Variants in FER observed in about 807,000 individuals in gnomAD.
The protein encoded by FER is tyrosine-protein kinase Fer.
In FER, 63 loss-of-function variants were observed where a neutral mutation model predicts 111.0. The observed-to-expected ratio is 0.57, with a 90% confidence interval of 0.46 to 0.70. FER has a LOEUF of 0.70. FER is among the 30% of genes least tolerant of loss of function. FER has a pLI of 0.00. For synonymous variants in FER, 327 were observed against 313.9 expected (o/e 1.04, Z -0.44); for missense variants, 914 against 954.0 (o/e 0.96, Z 0.55).
In FER at chr5:109,186,184, G is replaced by A. The variant is rs1159223845; in HGVS notation, c.2204-16G>A. 1 of 1,614,072 alleles carries A rather than the reference G, an allele frequency of 6.2e-7. No homozygotes were observed. On this transcript the variant is annotated splice_polypyrimidine_tract_variant and intron_variant, in intron 18 of 19. Coordinates refer to ENST00000281092, the MANE Select transcript of FER (RefSeq NM_005246.4). ...TACTGTGCCTCATGTGGTTATGGTT[G>A]TTGTTCCTCTTCCAGGGAGATACAG...
At chr5:108,830,867 T>C (rs571612014) in intron 3 of FER, 3 of 152,366 alleles carry the variant, frequency 2.0e-5, no homozygotes, top group African/African-American at 4.8e-5. Context: ...TTGTTAAAAC[T>C]AGAAGATGAA....
chr5:109,107,599 G>C (rs1419908784), intron 17 of FER, among the ~76,000 whole-genome samples: 2 of 152,012 alleles, frequency 1.3e-5, no homozygotes, highest in Non-Finnish European at 2.9e-5. Context: ...TTGTTCCTGT[G>C]TTAGTTTCCT....
chr5:109,180,927 T>C, intron 18 of FER, 26 bp downstream of exon 18: 1 of 1,547,556 alleles, frequency 6.5e-7, no homozygotes, highest in Admixed American at 2.1e-5. Context: ...ATTTTTTTTT[T>C]AATGGTAAAA....
chr5:108,918,588 A>G (rs911385514), intron 10 of FER, among the ~76,000 whole-genome samples: 2 of 150,146 alleles, frequency 1.3e-5, no homozygotes, highest in Admixed American at 6.7e-5. Context: ...CCGGGTTCAC[A>G]CCATTCTCCT....
intron 16 of FER, among the ~76,000 whole-genome samples, chr5:109,053,351 C>A (rs1489251906): frequency 1.4e-5 from 2 of 147,110 alleles, no homozygotes; most frequent in Non-Finnish European, 1.5e-5. Flanking sequence ...CCACTGCACT[C>A]CAGCCTCAGC....
intron 16 of FER, among the ~76,000 whole-genome samples, chr5:109,097,411 T>TG (rs1220417209): frequency 6.6e-6 from 1 of 151,806 alleles, no homozygotes; most frequent in East Asian, 1.9e-4. Flanking sequence ...GTGAGTTATC[T>TG]TTTTTTTGCC....
In FER at chr5:108,967,127, A is replaced by T. The variant is rs1212970374; in HGVS notation, c.1656+7780A>T. On this transcript the variant is annotated intron_variant, in intron 13 of 19. Coordinates refer to ENST00000281092, the MANE Select transcript of FER (RefSeq NM_005246.4). ...CCTGCTCACTTGGCCTGCCCGGGCC[A>T]ACCCTGGCTTATGCACCAGCTCAGC... is the stretch of plus-strand genomic sequence containing the variant. 2.0e-5 allele frequency among the ~76,000 whole-genome samples: 3 copies of T among 152,156 alleles called. No homozygotes were observed. In the East Asian group the frequency reaches 5.8e-4, roughly 29 times the overall value.
At chr5:109,068,769 T>G (rs1435928710) in intron 16 of FER, among the ~76,000 whole-genome samples, 2 of 152,248 alleles carry the variant, frequency 1.3e-5, no homozygotes, top group Non-Finnish European at 2.9e-5. Context: ...GTAAAGAATG[T>G]GGCTCATTTC....
chr5:109,039,722 G>C (rs1770888213), intron 14 of FER, among the ~76,000 whole-genome samples: 1 of 152,100 alleles, frequency 6.6e-6, no homozygotes, highest in Non-Finnish European at 1.5e-5. Flanking sequence ...CAGTAAGCAA[G>C]AGGGAATGTG....
chr5:108,783,288 C>T (rs1754305498), intron 2 of FER, among the ~76,000 whole-genome samples: 1 of 152,164 alleles, frequency 6.6e-6, no homozygotes, highest in African/African-American at 2.4e-5. Context: ...TTCTTAGTTA[C>T]ATAATTTTCA....
chr5:108,801,726 CAT>C (rs1215302044), intron 3 of FER, among the ~76,000 whole-genome samples: 1 of 152,164 alleles, frequency 6.6e-6, no homozygotes, highest in African/African-American at 2.4e-5. Context: ...GCAAACTCAG[CAT>C]ATGTTTTTTT....
At chr5:109,069,438 C>T (rs1355532209) in intron 16 of FER, among the ~76,000 whole-genome samples, 6 of 151,934 alleles carry the variant, frequency 3.9e-5, no homozygotes, top group East Asian at 1.9e-4. Flanking sequence ...GAGATGGATA[C>T]GAATGAATAG....
At chr5:108,878,855 G>A (rs1165829893) in intron 8 of FER, among the ~76,000 whole-genome samples, 1 of 152,038 alleles carries the variant, frequency 6.6e-6, no homozygotes, top group African/African-American at 2.4e-5. Flanking sequence ...GCATATATAT[G>A]GGATAAATTC....
intron 17 of FER, among the ~76,000 whole-genome samples, chr5:109,144,560 A>C (rs1753869709): frequency 6.6e-6 from 1 of 152,132 alleles, no homozygotes; most frequent in Admixed American, 6.6e-5. Flanking sequence ...TCTCATTCCG[A>C]TCTTTAAAAG....
chr5:109,001,488 G>A (rs1764765728), intron 13 of FER, among the ~76,000 whole-genome samples: 2 of 152,042 alleles, frequency 1.3e-5, no homozygotes, highest in African/African-American at 2.4e-5. Context: ...ATATCTCAAA[G>A]TAATAAGAGC....
At chr5:108,947,542 G>T (rs371859796) in intron 11 of FER, among the ~76,000 whole-genome samples, 2 of 151,784 alleles carry the variant, frequency 1.3e-5, no homozygotes, top group Non-Finnish European at 2.9e-5. Flanking sequence ...TTTTAAAATT[G>T]CTTATTTATT....
chr5:108,896,105 TTCC>T (rs1749052557), intron 9 of FER, among the ~76,000 whole-genome samples: 1 of 152,118 alleles, frequency 6.6e-6, no homozygotes, highest in Non-Finnish European at 1.5e-5. Flanking sequence ...AAATATATTT[TTCC>T]ACTTTACCTT....
At chr5:108,756,771 C>T (rs899147641) in intron 1 of FER, among the ~76,000 whole-genome samples, 1 of 152,066 alleles carries the variant, frequency 6.6e-6, no homozygotes, top group African/African-American at 2.4e-5. Flanking sequence ...TTTCTTTCTC[C>T]TACACACACA....
chr5:108,836,227 T>C (rs1325757758), intron 5 of FER, among the ~76,000 whole-genome samples: 1 of 152,128 alleles, frequency 6.6e-6, no homozygotes, highest in Non-Finnish European at 1.5e-5. Context: ...GTTCTCTTTA[T>C]AGCTTAATTT....
Sources: gnomAD v4.1 joint callset for allele counts (sites outside exome capture counted in the v4.1 genomes callset) on GRCh38, gnomAD v4.1.1 for gene constraint, MANE v1.5 for transcripts, NCBI Gene and HGNC (gene_info 2026-07-23, HGNC 2026-07-21) for gene names.